Variants in SIK3 observed in about 807,000 individuals in gnomAD.
SIK3 encodes the protein SIK family kinase 3.
A neutral mutation model predicts 144.2 loss-of-function variants in SIK3; 28 were observed. The observed-to-expected ratio is 0.19, with a 90% CI of 0.14 to 0.27. The LOEUF is 0.27. Among genes scored for constraint, SIK3 ranks in the 10% least tolerant of loss-of-function variants. The pLI is 1.00. For synonymous variants in SIK3, 686 were observed against 676.3 expected (o/e 1.01, Z -0.22); for missense variants, 1,319 against 1,776.0 (o/e 0.74, Z 4.62).
chr11:116,965,372 ATT>A, intron 1 of SIK3, among the ~76,000 whole-genome samples: 1 of 148,524 alleles, frequency 6.7e-6, no homozygotes, highest in East Asian at 2.0e-4. Flanking sequence ...GTATTCAACA[ATT>A]TTTTTTTTTT....
Position 116,875,862 on chromosome 11 carries a change from C to T in SIK3, c.1239+4G>A, listed in dbSNP as rs1239020630. The T allele has an allele frequency of 6.3e-7, 1 of 1,597,638 alleles. No homozygotes were observed. On this transcript the variant is annotated splice_donor_region_variant and intron_variant, in intron 9 of 24. Coordinates refer to ENST00000445177, the MANE Select transcript of SIK3 (RefSeq NM_001366686.3). ...TGAACTAGGTCACTGGAGTTATTGC[C>T]CACCTGGATATTGACTGGTGCTTGA...
rs992258941 is a variant in SIK3 at position 116,849,208 on chromosome 11, C to T, written c.3731G>A (p.Gly1244Glu). ...AVELPDHNGL[G>E]YPARPSVHEH... Reference sequence around the variant, plus strand: ...ATGGACGGAGGGGCGTGCTGGGTACCCGAGCCCATTGTGATCCGGCAGCTC... The same window carrying T: ...ATGGACGGAGGGGCGTGCTGGGTACTCGAGCCCATTGTGATCCGGCAGCTC... The change falls in exon 22 of 25, where the codon GGG (glycine) becomes GAG (glutamate). Residue 1244 changes from glycine (G) to glutamate (E), a missense_variant. Gly to Glu is a moderately conservative substitution (Grantham distance 98). Around this residue, in one of 8 missense-constraint regions of SIK3, gnomAD observed 646 missense variants for 763.7 expected, o/e 0.85. Transcript: ENST00000445177. This position sits in a 1 kb window ranked among gnomAD's most constrained non-coding sequence, Gnocchi z 4.2. 2 of 1,613,990 alleles carry T rather than the reference C, an allele frequency of 1.2e-6. No individual in the cohort carries two copies. Among genetic ancestry groups the T allele is most frequent in the Admixed American group, 1.7e-5 (1 of 59,996 alleles).
At chr11:116,978,113 G>GA (rs1361345720) in intron 1 of SIK3, among the ~76,000 whole-genome samples, 1 of 152,094 alleles carries the variant, frequency 6.6e-6, no homozygotes, top group Non-Finnish European at 1.5e-5. Flanking sequence ...AGCTACTCAG[G>GA]AGGCTGAGGC....
chr11:116,924,244 G>C (rs967053054), intron 4 of SIK3, among the ~76,000 whole-genome samples: 1 of 151,384 alleles, frequency 6.6e-6, no homozygotes, highest in African/African-American at 2.4e-5. Flanking sequence ...TGCAGTGAGC[G>C]GAGATCATGC....
Position 116,937,310 on chromosome 11 carries a change from A to G in SIK3, c.455-9930T>C, listed in dbSNP as rs1353174287. On this transcript the variant is annotated intron_variant, in intron 3 of 24. Transcript: ENST00000445177. ...ATGTTAAATAAATGGTTACTTACGG[A>G]AAAGGTGTGGAAGCCAGACATATGA... is the stretch of plus-strand genomic sequence containing the variant. Among the ~76,000 whole-genome samples the G allele has an allele frequency of 2.6e-5, 4 of 152,378 alleles. No homozygotes were observed. The South Asian group carries it at 6.2e-4, about 24-fold the overall frequency.
At position 116,863,738 on chromosome 11, in the gene SIK3, G is replaced by A. The variant is rs773754069; in HGVS notation, c.2033C>T (p.Ala678Val). 5.0e-6 allele frequency: 8 copies of A among 1,614,112 alleles called. No individual in the cohort carries two copies. The highest frequency in any genetic ancestry group is 2.7e-5 in the African/African-American group (2 of 75,014). ...GTGAGCTTTGAAGGCCTGGATGCTC[G>A]CAGCCCCATCTGAGAACCGGCGCAC... ...SPVRRFSDGA[A>V]SIQAFKAHLE... Residue 678 changes from alanine (A) to valine (V), a missense_variant, in exon 16 of 25, where the codon GCG (alanine) becomes GTG (valine). Physicochemically the swap from Ala to Val is moderately conservative, Grantham distance 64. Coordinates refer to ENST00000445177, the MANE Select transcript of SIK3 (RefSeq NM_001366686.3).
At chr11:116,921,226 G>C (rs1355251610) in intron 4 of SIK3, among the ~76,000 whole-genome samples, 2 of 152,166 alleles carry the variant, frequency 1.3e-5, no homozygotes, top group Non-Finnish European at 2.9e-5. Context: ...AAGATGAAGA[G>C]ATTTTACTTT....
intron 21 of SIK3, chr11:116,857,398 G>A (rs998857917): frequency 2.6e-5 from 5 of 189,322 alleles, no homozygotes; most frequent in East Asian, 1.5e-4. Context: ...CAAAGTTATC[G>A]TATTTATGAT....
chr11:116,857,338 C>T (rs1487558464), intron 21 of SIK3: 4 of 175,298 alleles, frequency 2.3e-5, no homozygotes. Context: ...ATTGTTCCTC[C>T]AACACCTTCT....
chr11:117,083,340 T>C (rs1402640069), intron 1 of SIK3, among the ~76,000 whole-genome samples: 1 of 152,186 alleles, frequency 6.6e-6, no homozygotes, highest in Non-Finnish European at 1.5e-5. Flanking sequence ...TGTGAAATCC[T>C]TTAAAGAGAT....
chr11:117,068,479 T>G (rs1394452982), intron 1 of SIK3, among the ~76,000 whole-genome samples: 1 of 152,242 alleles, frequency 6.6e-6, no homozygotes, highest in South Asian at 2.1e-4. Context: ...TCTGGCATGA[T>G]GGCTCATGCC....
At chr11:116,994,647 AATC>A (rs1950601460) in intron 1 of SIK3, among the ~76,000 whole-genome samples, 1 of 152,280 alleles carries the variant, frequency 6.6e-6, no homozygotes, top group African/African-American at 2.4e-5. Context: ...TCTTGACCAC[AATC>A]ATATGTACTA....
rs147306685 is a variant in SIK3, at chr11:117,069,822, C to T, written c.273+28321G>A. On this transcript the variant is annotated intron_variant, in intron 1 of 24. Coordinates refer to ENST00000445177, the MANE Select transcript of SIK3 (RefSeq NM_001366686.3). ...GCCTCCCTCCTTCACATTTAAGTCG[C>T]CACATTCATTTACTACTCAGGAAGA... Among the ~76,000 whole-genome samples, 310 of 152,264 alleles carry T rather than the reference C, an allele frequency of 2.0e-3. 3 individuals are homozygous for T. Among genetic ancestry groups the T allele is most frequent in the African/African-American group, 7.0e-3 (289 of 41,532 alleles).
At chr11:116,960,608 G>T (rs776629865) in intron 1 of SIK3, among the ~76,000 whole-genome samples, 1 of 152,164 alleles carries the variant, frequency 6.6e-6, no homozygotes, top group Admixed American at 6.5e-5. Flanking sequence ...GGACTCTGAA[G>T]ACAAGCTACT....
At chr11:116,881,367 T>A (rs1284342613) in intron 6 of SIK3, among the ~76,000 whole-genome samples, 2 of 152,056 alleles carry the variant, frequency 1.3e-5, no homozygotes, top group Non-Finnish European at 2.9e-5. Context: ...CCAGGAAACC[T>A]GATCTGCCAA....
chr11:117,072,759 TCA>T (rs1424647473), intron 1 of SIK3, among the ~76,000 whole-genome samples: 6 of 152,168 alleles, frequency 3.9e-5, no homozygotes, highest in African/African-American at 1.2e-4. Flanking sequence ...TAATGCTGAG[TCA>T]CAGTTTCCAA....
At chr11:117,008,749 C>A (rs1055561531) in intron 1 of SIK3, among the ~76,000 whole-genome samples, 2 of 152,114 alleles carry the variant, frequency 1.3e-5, no homozygotes, top group African/African-American at 4.8e-5. Context: ...ATAATCAAAT[C>A]CAGCACAGAG....
chr11:116,984,050 C>CAAAAAAAAAA (rs35403684), intron 1 of SIK3, among the ~76,000 whole-genome samples: 3 of 80,894 alleles, frequency 3.7e-5, no homozygotes, highest in Non-Finnish European at 5.2e-5. Context: ...GACCCTGACT[C>CAAAAAAAAAA]AAAAAAAAAA....
chr11:117,027,800 T>G (rs1952082408), intron 1 of SIK3, among the ~76,000 whole-genome samples: 3 of 152,138 alleles, frequency 2.0e-5, no homozygotes, highest in African/African-American at 7.2e-5. Flanking sequence ...TGACTCCCCC[T>G]GACCCATCTT....
Sources: gnomAD v4.1 joint callset for allele counts (sites outside exome capture counted in the v4.1 genomes callset) on GRCh38, gnomAD v4.1.1 for gene constraint, gnomAD v4.1.1 regional missense constraint, Gnocchi (gnomAD v3.1) non-coding constraint, MANE v1.5 for transcripts, NCBI Gene and HGNC (gene_info 2026-07-23, HGNC 2026-07-21) for gene names.